The following UNC5C variants were observed in gnomAD, a reference collection of about 807,000 sequenced individuals.
UNC5C encodes unc-5 netrin receptor C.
In UNC5C, 47 loss-of-function variants were observed where a neutral mutation model predicts 99.8. The ratio of observed to expected loss-of-function variants is 0.47; its 90% CI spans 0.37 to 0.60. The LOEUF is 0.60. Among genes scored for constraint, UNC5C ranks in the 20% least tolerant of loss-of-function variants. The pLI is 0.00. For synonymous variants in UNC5C, 487 were observed against 452.2 expected (o/e 1.08, Z -0.98); for missense variants, 1,062 against 1,165.9 (o/e 0.91, Z 1.30).
At chr4:95,546,989 C>T (rs1445255380) in intron 1 of UNC5C, among the ~76,000 whole-genome samples, 2 of 152,000 alleles carry the variant, frequency 1.3e-5, no homozygotes, top group East Asian at 1.9e-4. Flanking sequence ...TAACAGCAGG[C>T]GAATTCCACA....
chr4:95,350,768 G>GA (rs1437896790), intron 1 of UNC5C, among the ~76,000 whole-genome samples: 1 of 152,062 alleles, frequency 6.6e-6, no homozygotes, highest in Non-Finnish European at 1.5e-5. Flanking sequence ...CTCTTCTCTG[G>GA]AAAAATCTCT....
intron 1 of UNC5C, among the ~76,000 whole-genome samples, chr4:95,518,355 A>G (rs1327435071): frequency 6.6e-6 from 1 of 152,190 alleles, no homozygotes; most frequent in Admixed American, 6.5e-5. Flanking sequence ...TTTGTAACCT[A>G]AAGAAGAGGT....
At chr4:95,269,874 G>A (rs752278451) in intron 4 of UNC5C, among the ~76,000 whole-genome samples, 7 of 151,838 alleles carry the variant, frequency 4.6e-5, no homozygotes, top group African/African-American at 9.7e-5. Flanking sequence ...CACCACGCCC[G>A]GCTAATTTTG....
intron 4 of UNC5C, among the ~76,000 whole-genome samples, chr4:95,276,997 A>C (rs997498050): frequency 6.6e-6 from 1 of 152,196 alleles, no homozygotes; most frequent in African/African-American, 2.4e-5. Flanking sequence ...TATTACTATT[A>C]AAAGAACAAT....
At chr4:95,418,580 G>T (rs1472549423) in intron 1 of UNC5C, among the ~76,000 whole-genome samples, 2 of 152,028 alleles carry the variant, frequency 1.3e-5, no homozygotes, top group African/African-American at 2.4e-5. Context: ...AGTAACTTGA[G>T]GCCTACTTTT....
intron 7 of UNC5C, among the ~76,000 whole-genome samples, chr4:95,228,467 C>A (rs549629993): frequency 1.5e-4 from 23 of 152,316 alleles, no homozygotes; most frequent in Non-Finnish European, 2.8e-4. Context: ...TATGTTCTCA[C>A]AAACTTGCAA....
intron 7 of UNC5C, among the ~76,000 whole-genome samples, chr4:95,231,750 A>G (rs1045777181): frequency 9.2e-5 from 14 of 152,210 alleles, no homozygotes; most frequent in Admixed American, 7.9e-4. Context: ...TCAGGGCTGC[A>G]CTAATGATGT....
rs1047449630 is a variant in UNC5C, at chr4:95,165,885, A to G, written c.*3349T>C. On this transcript the variant is annotated 3_prime_UTR_variant, in exon 16 of 16. Coordinates refer to ENST00000453304, the MANE Select transcript of UNC5C (RefSeq NM_003728.4). ...TTACATAGTTCTGTTACAAGAAGCA[A>G]CTGAAGATATGTTGTGTATGAATGA... is the stretch of plus-strand genomic sequence containing the variant. The G allele has an allele frequency of 6.6e-6, 1 of 152,240 alleles. No individual in the cohort carries two copies. Among genetic ancestry groups the G allele is most frequent in the Non-Finnish European group, 1.5e-5 (1 of 68,046 alleles). 9.4% of individuals were successfully genotyped at this position (152,240 alleles called of 1,614,324 possible).
intron 1 of UNC5C, among the ~76,000 whole-genome samples, chr4:95,547,647 C>T (rs1723106808): frequency 6.6e-6 from 1 of 152,216 alleles, no homozygotes; most frequent in Non-Finnish European, 1.5e-5. Context: ...CTGAAGTGGG[C>T]TAAGAGACCC....
chr4:95,188,931 C>T (rs185033385), intron 12 of UNC5C, among the ~76,000 whole-genome samples: 1 of 152,190 alleles, frequency 6.6e-6, no homozygotes, highest in Admixed American at 6.5e-5. Context: ...ACAGTGTGCT[C>T]AGGTCTAAAA....
intron 1 of UNC5C, among the ~76,000 whole-genome samples, chr4:95,409,334 T>A (rs901370338): frequency 6.6e-6 from 1 of 152,156 alleles, no homozygotes; most frequent in African/African-American, 2.4e-5. Flanking sequence ...TGCACTCTCA[T>A]CCATCACTCC....
intron 1 of UNC5C, among the ~76,000 whole-genome samples, chr4:95,454,833 T>C (rs1318616899): frequency 5.9e-5 from 9 of 152,128 alleles, no homozygotes; most frequent in Admixed American, 5.2e-4. Flanking sequence ...ATAAAACTCA[T>C]TTTCTAATGA....
rs72874418 is a variant in UNC5C at position 95,343,626 on chromosome 4, G to T, written c.125-7995C>A. Reference sequence around the variant, plus strand: ...CACTGGCCAATGCTGGAGAGAGAGAGATATATGACCTTTCAGAGAATTCAA... The same window carrying T: ...CACTGGCCAATGCTGGAGAGAGAGATATATATGACCTTTCAGAGAATTCAA... On this transcript the variant is annotated intron_variant, in intron 1 of 15. Coordinates refer to ENST00000453304, the MANE Select transcript of UNC5C (RefSeq NM_003728.4). Among the ~76,000 whole-genome samples the T allele has an allele frequency of 7.4e-3, 1,126 of 152,036 alleles. 16 individuals are homozygous for T. The highest frequency in any genetic ancestry group is 0.025 in the African/African-American group (1,036 of 41,466).
intron 1 of UNC5C, among the ~76,000 whole-genome samples, chr4:95,543,533 T>C (rs1722970697): frequency 6.6e-6 from 1 of 152,190 alleles, no homozygotes; most frequent in South Asian, 2.1e-4. Context: ...TTGACCTATT[T>C]TTATGTTTAT....
At chr4:95,378,086 T>C (rs753560832) in intron 1 of UNC5C, among the ~76,000 whole-genome samples, 9 of 152,168 alleles carry the variant, frequency 5.9e-5, no homozygotes, top group Non-Finnish European at 1.2e-4. Context: ...AAAAGCCACA[T>C]AGTTAATAGA....
chr4:95,359,181 G>A (rs1263669789), intron 1 of UNC5C, among the ~76,000 whole-genome samples: 1 of 152,124 alleles, frequency 6.6e-6, no homozygotes, highest in Non-Finnish European at 1.5e-5. Flanking sequence ...AGTGAAGATT[G>A]AATGATATAA....
intron 1 of UNC5C, among the ~76,000 whole-genome samples, chr4:95,406,739 A>G (rs555458110): frequency 2.1e-4 from 32 of 152,362 alleles, no homozygotes; most frequent in African/African-American, 7.5e-4. Flanking sequence ...AAGACTGAGA[A>G]ATAAGTGCAT....
rs188626879 is a variant in UNC5C, at chr4:95,402,370, G to T, written c.125-66739C>A. Among the ~76,000 whole-genome samples the T allele has an allele frequency of 8.5e-5, 13 of 152,346 alleles. No individual in the cohort carries two copies. The East Asian group carries it at 2.3e-3, about 27-fold the overall frequency. ...ACAGACAAGGAAGCCTTATGTTTAA[G>T]TGTGGGCTCTGTGATCAAGCACACT... On this transcript the variant is annotated intron_variant, in intron 1 of 15. Transcript: ENST00000453304.
chr4:95,418,001 G>A (rs1746216996), intron 1 of UNC5C, among the ~76,000 whole-genome samples: 2 of 152,104 alleles, frequency 1.3e-5, no homozygotes, highest in Non-Finnish European at 2.9e-5. Context: ...ATATATTAAG[G>A]CAATTAATGG....
Sources: gnomAD v4.1 joint callset for allele counts (sites outside exome capture counted in the v4.1 genomes callset) on GRCh38, gnomAD v4.1.1 for gene constraint, MANE v1.5 for transcripts, NCBI Gene and HGNC (gene_info 2026-07-23, HGNC 2026-07-21) for gene names.